COLEC12: variants seen among roughly 807,000 people sequenced by gnomAD.
COLEC12 encodes collectin subfamily member 12, also known as collectin-12.
COLEC12 carries 33 observed loss-of-function variants against 71.1 expected under a neutral mutation model. The ratio of observed to expected loss-of-function variants is 0.46; its 90% CI spans 0.35 to 0.62. The LOEUF (loss-of-function observed/expected upper bound fraction) is 0.62. Among genes scored for constraint, COLEC12 ranks in the 20% least tolerant of loss-of-function variants. The probability of loss-of-function intolerance (pLI) is 0.00; values close to 1 mark genes in which losing one functional copy is unlikely to be tolerated. For synonymous variants in COLEC12, 350 were observed against 353.0 expected (o/e 0.99, Z 0.10); for missense variants, 765 against 916.1 (o/e 0.84, Z 2.13).
chr18:485,995 T>C (rs1917512378), intron 1 of COLEC12, among the ~76,000 whole-genome samples: 2 of 152,194 alleles, frequency 1.3e-5, no homozygotes, highest in Admixed American at 1.3e-4. Context: ...ACAGTAGTTG[T>C]TGAAAATTAA....
chr18:472,616 G>A (rs1421568117), intron 2 of COLEC12, among the ~76,000 whole-genome samples: 2 of 141,902 alleles, frequency 1.4e-5, no homozygotes, highest in African/African-American at 5.3e-5. Flanking sequence ...AAGCCCAGAA[G>A]TCAAGGCTGC....
At chr18:441,176 A>T (rs553057876) in intron 2 of COLEC12, among the ~76,000 whole-genome samples, 2 of 149,448 alleles carry the variant, frequency 1.3e-5, no homozygotes, top group African/African-American at 4.9e-5. Flanking sequence ...TGAACCCGGG[A>T]GGCGGAGCTT....
intron 8 of COLEC12, among the ~76,000 whole-genome samples, chr18:322,018 T>C (rs1462622775): frequency 6.6e-6 from 1 of 152,238 alleles, no homozygotes; most frequent in Non-Finnish European, 1.5e-5. Context: ...CCCTGCGCGC[T>C]TGTGATCTTT....
chr18:362,940 C>G lies in COLEC12; in HGVS notation c.59-5418G>C, dbSNP rs149559137. On this transcript the variant is annotated intron_variant, in intron 2 of 9. Coordinates refer to ENST00000400256, the MANE Select transcript of COLEC12 (RefSeq NM_130386.3). The surrounding 1 kb of genome is among the most constrained non-coding windows in gnomAD (Gnocchi z 4.6). ...ACTCCTTGAGTATTCCATGGAAGTT[C>G]AGAATAGGCTGACAATTTGGTCCCC... Among the ~76,000 whole-genome samples, 366 of 152,208 alleles carry G rather than the reference C, an allele frequency of 2.4e-3. 2 individuals are homozygous for G. Among genetic ancestry groups the G allele is most frequent in the African/African-American group, 7.9e-3 (330 of 41,530 alleles).
intron 2 of COLEC12, among the ~76,000 whole-genome samples, chr18:433,746 G>A (rs555237073): frequency 1.1e-3 from 163 of 152,212 alleles, no homozygotes; most frequent in Non-Finnish European, 1.8e-3. Context: ...GCCAAGCTGG[G>A]TGGACTCAGG....
At chr18:475,554 G>A (rs1359204216) in intron 2 of COLEC12, among the ~76,000 whole-genome samples, 1 of 152,150 alleles carries the variant, frequency 6.6e-6, no homozygotes, top group Admixed American at 6.5e-5. Context: ...AGAAGTAGAG[G>A]CATCCAAGTG....
chr18:345,370 TATTC>T (rs1475216157), intron 5 of COLEC12, among the ~76,000 whole-genome samples: 3 of 152,238 alleles, frequency 2.0e-5, no homozygotes, highest in African/African-American at 7.2e-5. Flanking sequence ...TATACGTATG[TATTC>T]ATTCATTTAT....
At chr18:421,749 T>C (rs1440247041) in intron 2 of COLEC12, among the ~76,000 whole-genome samples, 4 of 152,290 alleles carry the variant, frequency 2.6e-5, no homozygotes, top group Admixed American at 2.0e-4. Flanking sequence ...CCACTGATGG[T>C]AGTCTTATCT....
intron 8 of COLEC12, among the ~76,000 whole-genome samples, chr18:323,532 G>A (rs1913765889): frequency 6.6e-6 from 1 of 152,210 alleles, no homozygotes; most frequent in African/African-American, 2.4e-5. Context: ...ATCTCAGCCT[G>A]ACGCCAGATA....
intron 2 of COLEC12, among the ~76,000 whole-genome samples, chr18:401,475 T>C (rs886148489): frequency 3.3e-5 from 5 of 152,142 alleles, no homozygotes; most frequent in African/African-American, 9.7e-5. Flanking sequence ...TGCAAGAATG[T>C]TACAGCCAAG....
chr18:381,465 ATG>A (rs1915230119), intron 2 of COLEC12, among the ~76,000 whole-genome samples: 1 of 152,234 alleles, frequency 6.6e-6, no homozygotes, highest in South Asian at 2.1e-4. Flanking sequence ...TAAAAGTATT[ATG>A]TGTCAATTAA....
At chr18:336,958 C>A (rs894531886) in intron 5 of COLEC12, among the ~76,000 whole-genome samples, 1 of 151,910 alleles carries the variant, frequency 6.6e-6, no homozygotes, top group African/African-American at 2.4e-5. Flanking sequence ...TGGGCTGAAG[C>A]AATCCTCCAA....
rs1915642242 is a variant in COLEC12 at position 399,708 on chromosome 18, G to C, written c.59-42186C>G. Among the ~76,000 whole-genome samples the C allele has an allele frequency of 6.6e-6, 1 of 152,158 alleles. No homozygotes were observed. Among genetic ancestry groups the C allele is most frequent in the African/African-American group, 2.4e-5 (1 of 41,424 alleles). On this transcript the variant is annotated intron_variant, in intron 2 of 9. Transcript: ENST00000400256. This position sits in a 1 kb window ranked among gnomAD's most constrained non-coding sequence, Gnocchi z 4.0. ...GCTGTTACCTGTTGTTAGTTCAACG[G>C]GGATGCGGAATTTGGGGTGGATGCC...
intron 2 of COLEC12, among the ~76,000 whole-genome samples, chr18:468,632 T>C (rs920403827): frequency 6.6e-6 from 1 of 152,230 alleles, no homozygotes; most frequent in African/African-American, 2.4e-5. Context: ...CCCATCTTTG[T>C]CTTTCTCTCT....
chr18:421,007 C>A (rs1486126283), intron 2 of COLEC12, among the ~76,000 whole-genome samples: 1 of 152,202 alleles, frequency 6.6e-6, no homozygotes, highest in Non-Finnish European at 1.5e-5. Context: ...TTCAAACTAG[C>A]CGTTCCTAAC....
rs137938228 is a variant in COLEC12, at chr18:421,163, G to A, written c.58+59544C>T. Among the ~76,000 whole-genome samples the A allele has an allele frequency of 4.6e-3, 704 of 152,214 alleles. 2 individuals are homozygous for A. Among genetic ancestry groups the A allele is most frequent in the Middle Eastern group, 0.027 (8 of 294 alleles). ...TAAGTTGTGAAAACTCTATATTAAG[G>A]TTATATGCATATACTTTGATAGAAA... On this transcript the variant is annotated intron_variant, in intron 2 of 9. Transcript: ENST00000400256.
At chr18:379,311 C>G (rs1307711631) in intron 2 of COLEC12, among the ~76,000 whole-genome samples, 1 of 151,698 alleles carries the variant, frequency 6.6e-6, no homozygotes, top group South Asian at 2.1e-4. Flanking sequence ...ATTTTTTGTA[C>G]AGATGGGGTC....
intron 2 of COLEC12, among the ~76,000 whole-genome samples, chr18:419,241 G>T (rs1916049424): frequency 6.6e-6 from 1 of 151,168 alleles, no homozygotes; most frequent in Non-Finnish European, 1.5e-5. Context: ...TTGCTCTGTT[G>T]CTCTGTTGCA....
At chr18:385,363 T>G (rs1172565503) in intron 2 of COLEC12, among the ~76,000 whole-genome samples, 1 of 142,734 alleles carries the variant, frequency 7.0e-6, no homozygotes, top group Non-Finnish European at 1.5e-5. Context: ...CTCGCTCTGT[T>G]GCCCAGGCTG....
Sources: gnomAD v4.1 joint callset for allele counts (sites outside exome capture counted in the v4.1 genomes callset) on GRCh38, gnomAD v4.1.1 for gene constraint, Gnocchi (gnomAD v3.1) non-coding constraint, MANE v1.5 for transcripts, NCBI Gene and HGNC (gene_info 2026-07-23, HGNC 2026-07-21) for gene names.